Variants in KIAA0232 observed in about 807,000 individuals in gnomAD.
The protein encoded by KIAA0232 is uncharacterized protein KIAA0232.
KIAA0232 carries 27 observed loss-of-function variants against 122.0 expected under a neutral mutation model. The ratio of observed to expected loss-of-function variants is 0.22; its 90% CI spans 0.16 to 0.31. KIAA0232 has a LOEUF of 0.31. Ranked by LOEUF, KIAA0232 falls within the 10% of genes least tolerant of loss-of-function variation. The pLI is 1.00. For synonymous variants in KIAA0232, 613 were observed against 587.6 expected (o/e 1.04, Z -0.63); for missense variants, 1,551 against 1,634.2 (o/e 0.95, Z 0.88).
At chr4:6,867,742 G>A (rs1721260694) in intron 7 of KIAA0232, among the ~76,000 whole-genome samples, 1 of 152,178 alleles carries the variant, frequency 6.6e-6, no homozygotes, top group South Asian at 2.1e-4. Context: ...TCTATGTAGA[G>A]GCTTCTGTCA....
At chr4:6,844,134 G>T (rs183115207) in intron 4 of KIAA0232, among the ~76,000 whole-genome samples, 24 of 151,408 alleles carry the variant, frequency 1.6e-4, no homozygotes, top group Admixed American at 1.5e-3. Context: ...TAGTGATGGG[G>T]TATCACCGTG....
chr4:6,863,276 A>G lies in KIAA0232; in HGVS notation c.2894A>G (p.Asp965Gly), dbSNP rs374341289. ...KGSLLQCAASDVVTIAGTDVF... is the reference protein window; with the variant it reads ...KGSLLQCAASGVVTIAGTDVF... ...AGTCTGTTACAGTGTGCAGCTTCTGATGTTGTGACGATAGCTGGTACAGAT... is the reference window on the plus strand; with the variant it reads ...AGTCTGTTACAGTGTGCAGCTTCTGGTGTTGTGACGATAGCTGGTACAGAT... Residue 965 changes from aspartate (D) to glycine (G), a missense_variant, in exon 7 of 10, where the codon GAT (aspartate) becomes GGT (glycine). This residue lies in a region of KIAA0232 where 1,108 missense variants were observed against 1,154.8 expected (regional missense o/e 0.96). Coordinates refer to ENST00000307659, the MANE Select transcript of KIAA0232 (RefSeq NM_014743.3). The G allele has an allele frequency of 2.1e-5, 34 of 1,614,036 alleles. No homozygotes were observed. The highest frequency in any genetic ancestry group is 3.3e-5 in the Admixed American group (2 of 60,006).
At chr4:6,842,447 C>T (rs989316361) in intron 4 of KIAA0232, among the ~76,000 whole-genome samples, 4 of 152,030 alleles carry the variant, frequency 2.6e-5, no homozygotes, top group Admixed American at 6.6e-5. Flanking sequence ...TATCCTTTTT[C>T]CAACTCGACT....
At chr4:6,860,846 C>G in intron 6 of KIAA0232, 55 bp from the exon 7 acceptor site, 1 of 1,463,714 alleles carries the variant, frequency 6.8e-7, no homozygotes, top group Non-Finnish European at 9.3e-7. Context: ...TGTTGTTTTA[C>G]TGTATCTAAA....
intron 4 of KIAA0232, among the ~76,000 whole-genome samples, chr4:6,845,689 T>C (rs1577393474): frequency 6.6e-6 from 1 of 152,084 alleles, no homozygotes. Context: ...ATATGGGTAG[T>C]GCAGGTTCAG....
At chr4:6,876,629 T>A (rs1450767253) in intron 8 of KIAA0232, 31 bp from the exon 9 acceptor site, 1 of 1,398,548 alleles carries the variant, frequency 7.2e-7, no homozygotes. Context: ...CCCCTTTCCC[T>A]CTTTTCCCTT....
In KIAA0232 at chr4:6,786,710, A is replaced by G. The variant is rs572945145; in HGVS notation, c.-354+3869A>G. Among the ~76,000 whole-genome samples the G allele has an allele frequency of 1.4e-4, 22 of 152,280 alleles. No individual in the cohort carries two copies. In the South Asian group the frequency reaches 4.6e-3, roughly 32 times the overall value. ...CTATTTAGAATATTTCTTTACAGTT[A>G]TTTTTGGTCTTTCACATAATCACAT... On this transcript the variant is annotated intron_variant, in intron 1 of 9. Transcript: ENST00000307659.
chr4:6,784,160 T>A (rs1202072727), intron 1 of KIAA0232, among the ~76,000 whole-genome samples: 1 of 151,540 alleles, frequency 6.6e-6, no homozygotes, highest in South Asian at 2.1e-4. Flanking sequence ...TTGGAAAAAA[T>A]TATATAAATG....
intron 4 of KIAA0232, among the ~76,000 whole-genome samples, chr4:6,849,944 G>A (rs990077884): frequency 6.6e-6 from 1 of 152,164 alleles, no homozygotes; most frequent in African/African-American, 2.4e-5. Context: ...GTGGGGTAGA[G>A]TGGTTTATGA....
chr4:6,850,557 C>T (rs910614751), intron 4 of KIAA0232, among the ~76,000 whole-genome samples: 11 of 152,026 alleles, frequency 7.2e-5, no homozygotes, highest in South Asian at 4.1e-4. Flanking sequence ...CTTCATTCTT[C>T]GTTCCTAAGT....
At position 6,858,543 on chromosome 4, in the gene KIAA0232, T is replaced by C. The variant is rs754519338; in HGVS notation, c.518+37T>C. The C allele has an allele frequency of 2.9e-6, 4 of 1,382,188 alleles. No individual in the cohort carries two copies. In the African/African-American group the frequency reaches 4.4e-5, roughly 15 times the overall value. The allele number at this position is 1,382,188 out of a possible 1,614,324, so 85.6% of individuals were successfully genotyped here. A position where few individuals can be genotyped will look rare whatever the true frequency, so the allele number is the denominator to read the frequency against. The stretch of plus-strand genomic sequence containing the variant: ...TGTATTCGGTAATAAAGTGTGCATT[T>C]GTTAAAATCAGATGAATAACTGCTA... On this transcript the variant is annotated intron_variant, in intron 6 of 9. Transcript: ENST00000307659.
chr4:6,824,263 A>T lies in KIAA0232; in HGVS notation c.-191A>T, dbSNP rs1159948766. ...CATCTACATGCATGTTGCTATCAGG[A>T]TGTTGATTCATTAGTCATGCCTGAA... On this transcript the variant is annotated 5_prime_UTR_variant, in exon 3 of 10. The change abolishes an upstream ATG in the 5' untranslated region. Transcript: ENST00000307659. The T allele has an allele frequency of 3.3e-6, 2 of 604,644 alleles. No homozygotes were observed. The highest frequency in any genetic ancestry group is 2.0e-5 in the South Asian group (1 of 50,938). 37.5% of individuals were successfully genotyped at this position (604,644 alleles called of 1,614,324 possible).
intron 1 of KIAA0232, among the ~76,000 whole-genome samples, chr4:6,797,858 T>A (rs1332387165): frequency 1.4e-5 from 2 of 146,264 alleles, no homozygotes; most frequent in East Asian, 4.0e-4. Flanking sequence ...GATCACAAGG[T>A]CAAGAGATCG....
In KIAA0232 at chr4:6,784,730, A is replaced by C. The variant is rs182504814; in HGVS notation, c.-354+1889A>C. 1.4e-3 allele frequency among the ~76,000 whole-genome samples: 207 copies of C among 152,352 alleles called. 1 individual carries two copies. Among genetic ancestry groups the C allele is most frequent in the Non-Finnish European group, 1.9e-3 (130 of 68,026 alleles). On this transcript the variant is annotated intron_variant, in intron 1 of 9. Transcript: ENST00000307659. ...AATGGTTTTTATGTAAGCCCGTTAC[A>C]TCAGTGAAATGCCAGTTTTTAAACA...
At chr4:6,847,802 C>T (rs1302726585) in intron 4 of KIAA0232, among the ~76,000 whole-genome samples, 3 of 151,720 alleles carry the variant, frequency 2.0e-5, no homozygotes, top group Admixed American at 6.6e-5. Context: ...CTGTTATGAC[C>T]GGACCTGGCA....
chr4:6,830,775 T>C (rs1718934101), intron 3 of KIAA0232, among the ~76,000 whole-genome samples: 1 of 152,004 alleles, frequency 6.6e-6, no homozygotes, highest in Non-Finnish European at 1.5e-5. Context: ...CCCTTTTTTG[T>C]GTATGTGTGT....
intron 2 of KIAA0232, among the ~76,000 whole-genome samples, chr4:6,822,784 T>C (rs950924330): frequency 1.3e-5 from 2 of 151,562 alleles, no homozygotes; most frequent in East Asian, 3.9e-4. Context: ...TTTTTTAATT[T>C]ATTATTATTA....
chr4:6,860,819 A>G, intron 6 of KIAA0232, 82 bp from the exon 7 acceptor site: 1 of 1,178,436 alleles, frequency 8.5e-7, no homozygotes, highest in Non-Finnish European at 1.2e-6. Context: ...GAAATATTCC[A>G]TTCTTCTGGT....
chr4:6,802,461 A>G (rs566639635), intron 1 of KIAA0232, among the ~76,000 whole-genome samples: 38 of 152,100 alleles, frequency 2.5e-4, no homozygotes, highest in African/African-American at 8.9e-4. Flanking sequence ...TTTTTGATTG[A>G]TTTCATTTGA....
Sources: allele counts gnomAD v4.1 joint callset (sites outside exome capture counted in the v4.1 genomes callset), GRCh38; gene constraint gnomAD v4.1.1; regional missense constraint gnomAD v4.1.1; transcripts MANE v1.5; gene names NCBI Gene and HGNC (gene_info 2026-07-23, HGNC 2026-07-21).